Variants in EBF1 observed in about 807,000 individuals in gnomAD.
EBF1 encodes the protein EBF transcription factor 1, also known as transcription factor COE1.
In EBF1, 10 loss-of-function variants were observed where a neutral mutation model predicts 68.4. The ratio of observed to expected loss-of-function variants is 0.15; its 90% CI spans 0.09 to 0.25. The LOEUF is 0.25. EBF1 is among the 10% of genes least tolerant of loss of function. EBF1 has a pLI of 1.00. For missense variants in EBF1, 509 were observed against 794.4 expected (o/e 0.64, Z 4.32); for synonymous variants, 298 against 299.8 (o/e 0.99, Z 0.06).
intron 1 of EBF1, among the ~76,000 whole-genome samples, chr5:159,098,544 T>A: frequency 7.2e-6 from 1 of 138,694 alleles, no homozygotes; most frequent in East Asian, 2.1e-4. Context: ...GCCAGAGAGG[T>A]AAGGAAAGGA....
At chr5:159,019,686 G>A (rs1766292258) in intron 6 of EBF1, among the ~76,000 whole-genome samples, 1 of 152,178 alleles carries the variant, frequency 6.6e-6, no homozygotes, top group South Asian at 2.1e-4. Flanking sequence ...TTCAAGAAGA[G>A]GTTTCTCACT....
intron 10 of EBF1, among the ~76,000 whole-genome samples, chr5:158,758,001 A>G (rs1581634219): frequency 2.0e-5 from 3 of 152,204 alleles, no homozygotes; most frequent in South Asian, 2.1e-4. Flanking sequence ...AGAACCACTT[A>G]AAGTCTTTAA....
intron 6 of EBF1, among the ~76,000 whole-genome samples, chr5:158,893,888 G>C (rs538912928): frequency 2.6e-5 from 4 of 152,162 alleles, no homozygotes; most frequent in Admixed American, 2.6e-4. Flanking sequence ...CCAAATTACA[G>C]TTTCAAAATG....
At chr5:158,887,169 CTTCTG>C (rs1800222389) in intron 6 of EBF1, among the ~76,000 whole-genome samples, 1 of 152,176 alleles carries the variant, frequency 6.6e-6, no homozygotes, top group Admixed American at 6.5e-5. Context: ...AAATGAATGG[CTTCTG>C]TTCTGTTGTC....
intron 7 of EBF1, among the ~76,000 whole-genome samples, 168 bp downstream of exon 7, chr5:158,839,861 C>T (rs927225042): frequency 6.6e-6 from 1 of 152,196 alleles, no homozygotes; most frequent in Non-Finnish European, 1.5e-5. Flanking sequence ...AGTTCCCACT[C>T]TTCTCTAATC....
chr5:158,801,839 C>T (rs929386247), intron 8 of EBF1, among the ~76,000 whole-genome samples: 5 of 152,106 alleles, frequency 3.3e-5, no homozygotes, highest in African/African-American at 1.2e-4. Flanking sequence ...ATCAGAGATG[C>T]CCTCGGTAGT....
intron 10 of EBF1, among the ~76,000 whole-genome samples, chr5:158,742,013 GAGCTA>G (rs1766514342): frequency 6.6e-6 from 1 of 152,100 alleles, no homozygotes; most frequent in African/African-American, 2.4e-5. Context: ...TAAATCCACC[GAGCTA>G]ATGAAAGTAG....
At chr5:158,956,882 C>T (rs1002224858) in intron 6 of EBF1, among the ~76,000 whole-genome samples, 8 of 151,898 alleles carry the variant, frequency 5.3e-5, no homozygotes, top group Non-Finnish European at 4.4e-5. Flanking sequence ...CCTCAGCCTC[C>T]GGAGTAGCTG....
chr5:158,966,917 A>C (rs529341211), intron 6 of EBF1, among the ~76,000 whole-genome samples: 15 of 152,376 alleles, frequency 9.8e-5, no homozygotes, highest in African/African-American at 3.6e-4. Context: ...TTACTTAAGC[A>C]GATAGTGAAG....
At chr5:159,007,028 G>T (rs57523915) in intron 6 of EBF1, among the ~76,000 whole-genome samples, 35,506 of 152,078 alleles carry the variant, frequency 0.23, 4,487 homozygotes, top group Non-Finnish European at 0.27. Flanking sequence ...TGGGGGCTTT[G>T]TTTCTCATTT....
At chr5:158,915,991 T>A (rs1807111135) in intron 6 of EBF1, among the ~76,000 whole-genome samples, 1 of 152,176 alleles carries the variant, frequency 6.6e-6, no homozygotes, top group Non-Finnish European at 1.5e-5. Context: ...CTGACAGATC[T>A]TGCCTTTTCA....
At chr5:158,940,776 C>CCCCCCCCCCCCCCCCCCCG (rs1813159656) in intron 6 of EBF1, among the ~76,000 whole-genome samples, 1 of 51,122 alleles carries the variant, frequency 2.0e-5, no homozygotes, top group African/African-American at 5.1e-5. Context: ...CCCCCCCCCC[C>CCCCCCCCCCCCCCCCCCCG]CCCGCAGGTC....
intron 6 of EBF1, among the ~76,000 whole-genome samples, chr5:158,878,115 A>T (rs1798138358): frequency 6.6e-6 from 1 of 151,840 alleles, no homozygotes; most frequent in Non-Finnish European, 1.5e-5. Flanking sequence ...CTAATTGATT[A>T]TGCAAATGCA....
chr5:158,776,200 T>C (rs1775204633), intron 10 of EBF1, among the ~76,000 whole-genome samples: 1 of 152,074 alleles, frequency 6.6e-6, no homozygotes, highest in Non-Finnish European at 1.5e-5. Flanking sequence ...AATCCTATAA[T>C]TTTCAGTTAA....
At chr5:158,716,502 G>A (rs1760743900) in intron 11 of EBF1, among the ~76,000 whole-genome samples, 1 of 152,160 alleles carries the variant, frequency 6.6e-6, no homozygotes, top group Non-Finnish European at 1.5e-5. Context: ...TTCTTGTCTT[G>A]AAAGGGACAC....
chr5:159,020,767 A>G (rs1004800620), intron 6 of EBF1, among the ~76,000 whole-genome samples: 3 of 152,204 alleles, frequency 2.0e-5, no homozygotes, highest in African/African-American at 7.2e-5. Flanking sequence ...CCCTCTCCAA[A>G]GTGCCTAGTA....
rs530736258 is a variant in EBF1, at chr5:158,913,711, G to A, written c.555-73601C>T. 3.9e-5 allele frequency among the ~76,000 whole-genome samples: 6 copies of A among 152,256 alleles called. No homozygotes were observed. In the South Asian group the frequency reaches 1.0e-3, roughly 26 times the overall value. ...AGCAGGCCCTCCATCTCTGCCTCTC[G>A]GACACCTACCAAGGATACAGTGCCT... is the stretch of plus-strand genomic sequence containing the variant. On this transcript the variant is annotated intron_variant, in intron 6 of 15. Transcript: ENST00000313708.
At chr5:158,940,673 G>C (rs1813048160) in intron 6 of EBF1, among the ~76,000 whole-genome samples, 1 of 145,474 alleles carries the variant, frequency 6.9e-6, no homozygotes, top group Non-Finnish European at 1.5e-5. Flanking sequence ...GTTCATACAG[G>C]CCACCTTATC....
intron 6 of EBF1, among the ~76,000 whole-genome samples, chr5:159,049,416 A>C (rs1244030523): frequency 6.6e-6 from 1 of 152,042 alleles, no homozygotes; most frequent in Non-Finnish European, 1.5e-5. Flanking sequence ...GAGAAGTAGG[A>C]TGGTGGAGGG....
Sources: gnomAD v4.1 joint callset for allele counts (sites outside exome capture counted in the v4.1 genomes callset) on GRCh38, gnomAD v4.1.1 for gene constraint, MANE v1.5 for transcripts, NCBI Gene and HGNC (gene_info 2026-07-23, HGNC 2026-07-21) for gene names.